The following SNX29 variants were observed in gnomAD, a reference collection of about 807,000 sequenced individuals.
The protein encoded by SNX29 is sorting nexin-29.
In SNX29, 78 loss-of-function variants were observed where a neutral mutation model predicts 102.1. That is an observed-to-expected ratio of 0.76 (90% confidence interval 0.64 to 0.92). The LOEUF (loss-of-function observed/expected upper bound fraction) is 0.92. Among genes scored for constraint, SNX29 ranks in the 40% least tolerant of loss-of-function variants. The pLI is 0.00. For synonymous variants in SNX29, 580 were observed against 414.5 expected, an observed-to-expected ratio of 1.40 and a Z score of -4.85; for missense variants, 1,280 against 1,061.7, an observed-to-expected ratio of 1.21 and a Z score of -2.86.
At chr16:12,295,623 G>A (rs1401387915) in intron 15 of SNX29, among the ~76,000 whole-genome samples, 2 of 152,214 alleles carry the variant, frequency 1.3e-5, no homozygotes, top group African/African-American at 2.4e-5. Context: ...ACTCAGCTTT[G>A]CCAGGGCAAG....
intron 18 of SNX29, among the ~76,000 whole-genome samples, chr16:12,458,485 CA>C (rs1438014321): frequency 1.3e-5 from 2 of 152,086 alleles, no homozygotes; most frequent in African/African-American, 4.8e-5. Context: ...GATTAAAGAT[CA>C]GTAGTTATTT....
intron 19 of SNX29, among the ~76,000 whole-genome samples, chr16:12,497,531 G>A (rs929144815): frequency 6.6e-6 from 1 of 152,214 alleles, no homozygotes; most frequent in African/African-American, 2.4e-5. Flanking sequence ...TGTGTAACGA[G>A]AGGCTTAGGA....
chr16:12,113,353 G>C (rs1219553901), intron 11 of SNX29, among the ~76,000 whole-genome samples: 1 of 152,104 alleles, frequency 6.6e-6, no homozygotes. Context: ...TCGCCGAGCC[G>C]GGCTGGAACC....
At chr16:12,146,033 A>G (rs1174951102) in intron 13 of SNX29, among the ~76,000 whole-genome samples, 4 of 152,122 alleles carry the variant, frequency 2.6e-5, no homozygotes, top group African/African-American at 7.2e-5. Context: ...CCTCTCTTTT[A>G]CCCCTACAGC....
At chr16:12,408,486 C>G (rs563108692) in intron 18 of SNX29, among the ~76,000 whole-genome samples, 2 of 152,336 alleles carry the variant, frequency 1.3e-5, no homozygotes, top group South Asian at 4.1e-4. Flanking sequence ...CTTGTTTGAG[C>G]AATGTCAGGG....
rs1208038172 is a variant in SNX29, at chr16:12,572,135, C to T, written c.*3506C>T. Reference sequence around the variant, plus strand: ...TCACAGCCCTTGGCCCTGCTTCATACTTTGGAGCTTATTAAGATCAATTTT... The same window carrying T: ...TCACAGCCCTTGGCCCTGCTTCATATTTTGGAGCTTATTAAGATCAATTTT... On this transcript the variant is annotated 3_prime_UTR_variant, in exon 21 of 21. Coordinates refer to ENST00000566228, the MANE Select transcript of SNX29 (RefSeq NM_032167.5). 1.0e-6 allele frequency: 1 copy of T among 997,126 alleles called. No individual in the cohort carries two copies. Among genetic ancestry groups the T allele is most frequent in the African/African-American group, 1.7e-5 (1 of 59,712 alleles). The allele number at this position is 997,126 out of a possible 1,614,324, so 61.8% of individuals were successfully genotyped here. A position where few individuals can be genotyped will look rare whatever the true frequency, so the allele number is the denominator to read the frequency against.
At chr16:12,175,889 C>T (rs1596432880) in intron 13 of SNX29, among the ~76,000 whole-genome samples, 1 of 152,082 alleles carries the variant, frequency 6.6e-6, no homozygotes, top group Non-Finnish European at 1.5e-5. Context: ...CCTTGTAGTC[C>T]TAGCTACTTG....
intron 9 of SNX29, among the ~76,000 whole-genome samples, chr16:12,066,882 A>G (rs955015942): frequency 2.0e-5 from 3 of 151,920 alleles, no homozygotes; most frequent in Non-Finnish European, 4.4e-5. Flanking sequence ...TGAGTTTTAC[A>G]TGCGTTAAGA....
intron 11 of SNX29, among the ~76,000 whole-genome samples, chr16:12,085,621 C>T (rs1596821271): frequency 6.6e-6 from 1 of 152,112 alleles, no homozygotes; most frequent in African/African-American, 2.4e-5. Context: ...GCCACCGTGC[C>T]CAGCCCCCAC....
intron 18 of SNX29, among the ~76,000 whole-genome samples, chr16:12,465,544 C>T (rs1404561272): frequency 6.6e-6 from 1 of 151,912 alleles, no homozygotes; most frequent in Non-Finnish European, 1.5e-5. Context: ...TACTTCTGGG[C>T]TTTGTTCTGT....
At position 11,985,177 on chromosome 16, in the gene SNX29, T is replaced by C. The variant is rs182113893; in HGVS notation, c.7+8364T>C. On this transcript the variant is annotated intron_variant, in intron 1 of 20. Coordinates refer to ENST00000566228, the MANE Select transcript of SNX29 (RefSeq NM_032167.5). ...AAAGTGGTTGCACTAGTTTCAATGC[T>C]GCTAGTAAGAATAAGGGCTCTGGTG... Among the ~76,000 whole-genome samples, 582 of 152,316 alleles carry C rather than the reference T, an allele frequency of 3.8e-3. 5 individuals carry two copies. Among genetic ancestry groups the C allele is most frequent in the Middle Eastern group, 0.027 (8 of 294 alleles).
intron 13 of SNX29, among the ~76,000 whole-genome samples, chr16:12,194,198 G>A (rs1028609801): frequency 2.0e-5 from 3 of 152,174 alleles, no homozygotes; most frequent in Non-Finnish European, 4.4e-5. Flanking sequence ...GCAGATCCTG[G>A]ACACATTTTG....
At chr16:12,538,435 TG>T (rs1188417963) in intron 20 of SNX29, among the ~76,000 whole-genome samples, 4 of 152,166 alleles carry the variant, frequency 2.6e-5, no homozygotes, top group Admixed American at 6.5e-5. Context: ...TAACTGAGAA[TG>T]GTTACTTGGT....
At chr16:12,127,136 G>A (rs2054247518) in intron 12 of SNX29, among the ~76,000 whole-genome samples, 1 of 151,802 alleles carries the variant, frequency 6.6e-6, no homozygotes, top group Admixed American at 6.6e-5. Context: ...CTGCGTGCCT[G>A]TAATCCCAGC....
intron 18 of SNX29, among the ~76,000 whole-genome samples, chr16:12,462,016 T>TATATATATACAC (rs1555544564): frequency 1.5e-5 from 1 of 65,210 alleles, no homozygotes; most frequent in Admixed American, 2.1e-4. Context: ...TATATATGTA[T>TATATATATACAC]ACACACACAC....
At chr16:12,326,652 G>A (rs538703088) in intron 15 of SNX29, among the ~76,000 whole-genome samples, 2 of 152,308 alleles carry the variant, frequency 1.3e-5, no homozygotes, top group South Asian at 2.1e-4. Flanking sequence ...TGGCCCCTGT[G>A]TGGAGTCTGG....
chr16:12,198,163 C>T (rs2141956082), intron 13 of SNX29, among the ~76,000 whole-genome samples: 1 of 152,216 alleles, frequency 6.6e-6, no homozygotes, highest in East Asian at 1.9e-4. Context: ...ATTGTCAAAG[C>T]ATGGAGGAAG....
chr16:12,254,512 G>A (rs112884344), intron 14 of SNX29, among the ~76,000 whole-genome samples: 4,372 of 152,100 alleles, frequency 0.029, 87 homozygotes, highest in Admixed American at 0.062. Flanking sequence ...GTGGTGGTGC[G>A]CACCTGTAAT....
At chr16:12,398,679 A>G (rs980565854) in intron 17 of SNX29, among the ~76,000 whole-genome samples, 178 bp downstream of exon 17, 4 of 151,402 alleles carry the variant, frequency 2.6e-5, no homozygotes, top group African/African-American at 9.7e-5. Context: ...TCGCCCTCAG[A>G]TGTGTTTTTT....
Sources: gnomAD v4.1 joint callset for allele counts (sites outside exome capture counted in the v4.1 genomes callset) on GRCh38, gnomAD v4.1.1 for gene constraint, MANE v1.5 for transcripts, NCBI Gene and HGNC (gene_info 2026-07-23, HGNC 2026-07-21) for gene names.